SPECC1: variants seen among roughly 807,000 people sequenced by gnomAD.
The protein encoded by SPECC1 is sperm antigen with calponin homology and coiled-coil domains 1, also known as cytospin-B.
SPECC1 carries 62 observed loss-of-function variants against 104.1 expected under a neutral mutation model. The observed-to-expected ratio is 0.60, with a 90% CI of 0.49 to 0.74. SPECC1 has a LOEUF of 0.74. Among genes scored for constraint, SPECC1 ranks in the 30% least tolerant of loss-of-function variants. The pLI is 0.00. For missense variants in SPECC1, 1,306 were observed against 1,310.5 expected, an observed-to-expected ratio of 1.00 and a Z score of 0.05; for synonymous variants, 513 against 501.6, an observed-to-expected ratio of 1.02 and a Z score of -0.30.
intron 7 of SPECC1, among the ~76,000 whole-genome samples, chr17:20,240,377 T>G (rs1313110867): frequency 6.6e-6 from 1 of 152,134 alleles, no homozygotes; most frequent in Non-Finnish European, 1.5e-5. Context: ...ATCCCCTATA[T>G]TATGAGCCTT....
chr17:20,040,519 A>G (rs1216277134), intron 1 of SPECC1, among the ~76,000 whole-genome samples: 1 of 152,170 alleles, frequency 6.6e-6, no homozygotes, highest in Non-Finnish European at 1.5e-5. Flanking sequence ...ATCTGCTGGC[A>G]ACATATTCTC....
At chr17:20,198,581 T>C (rs988149849) in intron 3 of SPECC1, among the ~76,000 whole-genome samples, 3 of 152,192 alleles carry the variant, frequency 2.0e-5, no homozygotes, top group African/African-American at 7.2e-5. Flanking sequence ...CCAAAGAGAA[T>C]AGCAGTTAAC....
In SPECC1 at chr17:20,237,180, G is replaced by T. The variant is rs1423901453; in HGVS notation, c.2351+4775G>T. The T allele has an allele frequency of 7.6e-6, 10 of 1,319,350 alleles. No individual in the cohort carries two copies. In the East Asian group the frequency reaches 3.1e-4, roughly 41 times the overall value. 81.7% of individuals were successfully genotyped at this position (1,319,350 alleles called of 1,614,324 possible). A position where few individuals can be genotyped will look rare whatever the true frequency, so the allele number is the denominator to read the frequency against. On this transcript the variant is annotated intron_variant, in intron 7 of 14. Transcript: ENST00000395527. ...AAAATGAAGTTCTGAAAAAAACAAA[G>T]TACAAGTCTTATGAAAAGTTATTTG...
At position 20,315,889 on chromosome 17, in the gene SPECC1, T is replaced by C. The variant is rs538378697; in HGVS notation, c.*1824T>C. The C allele has an allele frequency of 4.3e-6, 1 of 232,674 alleles. No homozygotes were observed. Among genetic ancestry groups the C allele is most frequent in the East Asian group, 6.1e-5 (1 of 16,490 alleles). 14.4% of individuals were successfully genotyped at this position (232,674 alleles called of 1,614,324 possible). ...TTGAAAACACTCTTGGCTGCCCTAG[T>C]TGGTTAACTTCAGAATGTCTGGAAT... is the stretch of plus-strand genomic sequence containing the variant. On this transcript the variant is annotated 3_prime_UTR_variant, in exon 15 of 15. Coordinates refer to ENST00000395527, the MANE Select transcript of SPECC1 (RefSeq NM_001243439.2).
At chr17:20,238,852 G>A (rs2039061345) in intron 7 of SPECC1, 1 of 1,044,796 alleles carries the variant, frequency 9.6e-7, no homozygotes, top group Non-Finnish European at 1.2e-6. Flanking sequence ...TTATCTGTAA[G>A]CATTTATGAA....
chr17:20,221,483 A>G lies in SPECC1; in HGVS notation c.1864-5930A>G, dbSNP rs147062211. Among the ~76,000 whole-genome samples the G allele has an allele frequency of 2.1e-3, 325 of 152,206 alleles. 1 individual carries two copies. Among genetic ancestry groups the G allele is most frequent in the Non-Finnish European group, 3.7e-3 (251 of 68,000 alleles). On this transcript the variant is annotated intron_variant, in intron 4 of 14. Coordinates refer to ENST00000395527, the MANE Select transcript of SPECC1 (RefSeq NM_001243439.2). Reference sequence around the variant, plus strand: ...ATAGTAGTCTCTAATGATCCTTTGAATTTCGGTAGTATTGGTTGCAATATC... The same window carrying G: ...ATAGTAGTCTCTAATGATCCTTTGAGTTTCGGTAGTATTGGTTGCAATATC...
At chr17:20,011,625 A>G (rs2043947174) in intron 1 of SPECC1, among the ~76,000 whole-genome samples, 2 of 151,682 alleles carry the variant, frequency 1.3e-5, no homozygotes, top group Admixed American at 6.6e-5. Flanking sequence ...TTATTTTTCT[A>G]TGACATTAAT....
In SPECC1 at chr17:20,093,195, C is replaced by A. The variant is rs192172638; in HGVS notation, c.-21-3436C>A. ...GGCTGCATAGTCTAAGATCAAGGTG[C>A]CACTAGATTTGGTATCTGGCAAGGG... On this transcript the variant is annotated intron_variant, in intron 1 of 14. Coordinates refer to ENST00000395527, the MANE Select transcript of SPECC1 (RefSeq NM_001243439.2). Among the ~76,000 whole-genome samples the A allele has an allele frequency of 1.1e-3, 171 of 152,256 alleles. 1 individual carries two copies. Among genetic ancestry groups the A allele is most frequent in the Admixed American group, 2.5e-3 (39 of 15,296 alleles).
chr17:20,121,546 A>G (rs2049033000), intron 3 of SPECC1, among the ~76,000 whole-genome samples: 1 of 152,080 alleles, frequency 6.6e-6, no homozygotes, highest in African/African-American at 2.4e-5. Flanking sequence ...CATGTTGCCC[A>G]GGCTGGTCTT....
At chr17:20,159,082 C>T (rs2080673) in intron 3 of SPECC1, among the ~76,000 whole-genome samples, 1 of 151,754 alleles carries the variant, frequency 6.6e-6, no homozygotes, top group Non-Finnish European at 1.5e-5. Flanking sequence ...GTAGCTGAGA[C>T]TGCAGGTGTG....
In SPECC1 at chr17:20,232,361, T is replaced by C. The variant is rs2151480815; in HGVS notation, c.2307T>C (p.Asp769=). The C allele has an allele frequency of 6.2e-7, 1 of 1,613,660 alleles. No individual in the cohort carries two copies. The highest frequency in any genetic ancestry group is 1.7e-5 in the Admixed American group (1 of 59,978). ...CCCGGTTGCAGAAGGAGCTGGGGGA[T>C]GTGCAGGGCCACGGCAGGGTGGTCA... ...KNARLQKELG[D]VQGHGRVVTS... is the part of the protein sequence containing the mutation. The change falls in exon 7 of 15, where the codon GAT becomes GAC. Residue 769 remains aspartate, a synonymous_variant. Transcript: ENST00000395527.
chr17:20,098,508 G>A (rs2047762050), intron 2 of SPECC1, among the ~76,000 whole-genome samples: 1 of 152,178 alleles, frequency 6.6e-6, no homozygotes, highest in Non-Finnish European at 1.5e-5. Flanking sequence ...GAAAAGCAGA[G>A]TCCTTGAAAT....
chr17:20,163,456 CA>C (rs548009339), intron 3 of SPECC1, among the ~76,000 whole-genome samples: 5 of 151,690 alleles, frequency 3.3e-5, no homozygotes, highest in Non-Finnish European at 5.9e-5. Context: ...TAAAGTCTGA[CA>C]AAAAAATCCA....
intron 3 of SPECC1, among the ~76,000 whole-genome samples, chr17:20,198,034 C>T (rs1397533074): frequency 6.6e-6 from 1 of 152,210 alleles, no homozygotes; most frequent in African/African-American, 2.4e-5. Context: ...CTTCTGGGTT[C>T]CCTTTCCCTG....
chr17:20,156,462 G>A (rs1312461064), intron 3 of SPECC1, among the ~76,000 whole-genome samples: 1 of 152,148 alleles, frequency 6.6e-6, no homozygotes, highest in African/African-American at 2.4e-5. Context: ...CCTGGGCGCC[G>A]GGGCCGCCGG....
chr17:20,254,226 T>G (rs1249800126), intron 10 of SPECC1, among the ~76,000 whole-genome samples: 1 of 150,680 alleles, frequency 6.6e-6, no homozygotes, highest in Non-Finnish European at 1.5e-5. Flanking sequence ...GGAGGTTGCA[T>G]TCAGCAGTCC....
chr17:20,245,866 C>T lies in SPECC1; in HGVS notation c.2352-60C>T. ...ACATCAGTTCTGTTTTCCTCTGTGTCTTTTTCTCCCATGGGGATGTCCTCC... is the reference window on the plus strand; with the variant it reads ...ACATCAGTTCTGTTTTCCTCTGTGTTTTTTTCTCCCATGGGGATGTCCTCC... On this transcript the variant is annotated intron_variant, in intron 7 of 14. Transcript: ENST00000395527. 1.9e-6 allele frequency: 3 copies of T among 1,588,934 alleles called. No individual in the cohort carries two copies. In the South Asian group the frequency reaches 3.3e-5, roughly 18 times the overall value.
chr17:20,168,040 C>T (rs906927047), intron 3 of SPECC1, among the ~76,000 whole-genome samples: 16 of 152,040 alleles, frequency 1.1e-4, no homozygotes, highest in Non-Finnish European at 1.9e-4. Context: ...AGGTGATATT[C>T]AAATAATAGA....
In SPECC1 at chr17:20,318,107, A is replaced by G. The variant is rs2042063170; in HGVS notation, c.*4042A>G. The G allele has an allele frequency of 4.3e-6, 1 of 231,406 alleles. No individual in the cohort carries two copies. The highest frequency in any genetic ancestry group is 2.2e-5 in the African/African-American group (1 of 45,242). 14.3% of individuals were successfully genotyped at this position (231,406 alleles called of 1,614,324 possible). The stretch of plus-strand genomic sequence containing the variant: ...GCCACATTTCTTTCCATCTTCCCTC[A>G]GCCAGTAGTCATTTAAAATTCTTCA... On this transcript the variant is annotated 3_prime_UTR_variant, in exon 15 of 15. Transcript: ENST00000395527.
Sources: gnomAD v4.1 joint callset for allele counts (sites outside exome capture counted in the v4.1 genomes callset) on GRCh38, gnomAD v4.1.1 for gene constraint, MANE v1.5 for transcripts, NCBI Gene and HGNC (gene_info 2026-07-23, HGNC 2026-07-21) for gene names.